The following TUT4 variants were observed in gnomAD, a reference collection of about 807,000 sequenced individuals.
TUT4 encodes the protein terminal uridylyl transferase 4.
A neutral mutation model predicts 192.2 loss-of-function variants in TUT4; 36 were observed. The observed-to-expected ratio is 0.19, with a 90% CI of 0.14 to 0.25. TUT4 has a LOEUF of 0.25. TUT4 is among the 10% of genes least tolerant of loss of function. The pLI, the probability that TUT4 is intolerant of heterozygous loss-of-function variation, is 1.00. For synonymous variants in TUT4, 618 were observed against 666.0 expected (o/e 0.93, Z 1.11); for missense variants, 1,493 against 1,957.2 (o/e 0.76, Z 4.47).
At chr1:52,461,252 T>C (rs1662458467) in intron 18 of TUT4, 29 bp from the exon 19 acceptor site, 3 of 1,571,834 alleles carry the variant, frequency 1.9e-6, no homozygotes, top group Non-Finnish European at 2.6e-6. Context: ...TTTGAAAGGA[T>C]TTCAAATTTC....
intron 14 of TUT4, among the ~76,000 whole-genome samples, chr1:52,471,063 CTGGAGT>C (rs1225902487): frequency 7.8e-6 from 1 of 128,352 alleles, no homozygotes; most frequent in Non-Finnish European, 1.5e-5. Flanking sequence ...GTTGCCCGGG[CTGGAGT>C]GCAGTGGCAT....
chr1:52,498,283 C>T (rs1362514845), intron 4 of TUT4, among the ~76,000 whole-genome samples: 2 of 148,856 alleles, frequency 1.3e-5, no homozygotes, highest in East Asian at 2.0e-4. Flanking sequence ...TCGCTGTCGC[C>T]CCGGCTGGAG....
rs1430742421 is a variant in TUT4, at chr1:52,509,581, T to C, written c.999+15A>G. 7.6e-7 allele frequency: 1 copy of C among 1,308,882 alleles called. No homozygotes were observed. Among genetic ancestry groups the C allele is most frequent in the South Asian group, 1.3e-5 (1 of 75,762 alleles). The allele number at this position is 1,308,882 out of a possible 1,614,324, so 81.1% of individuals were successfully genotyped here. Reference sequence around the variant, plus strand: ...CTTGAAAAATAAATAAAAGTATTTTTTAAAAAGAACTTACCAAAATATTTT... The same window carrying C: ...CTTGAAAAATAAATAAAAGTATTTTCTAAAAAGAACTTACCAAAATATTTT... On this transcript the variant is annotated intron_variant, in intron 4 of 29. Coordinates refer to ENST00000257177, the MANE Select transcript of TUT4 (RefSeq NM_001009881.3).
chr1:52,512,196 G>GT (rs1263159455), intron 3 of TUT4, among the ~76,000 whole-genome samples: 1 of 152,154 alleles, frequency 6.6e-6, no homozygotes, highest in Non-Finnish European at 1.5e-5. Flanking sequence ...GGATAAAGCT[G>GT]TATCACTACA....
At position 52,481,423 on chromosome 1, in the gene TUT4, T is replaced by C; in HGVS notation, c.1848A>G (p.Lys616=). The change falls in exon 11 of 30, where the codon AAA becomes AAG. Residue 616 remains lysine (K), a splice_region_variant and synonymous_variant. Transcript: ENST00000257177. ...AAAAAACAAAAACAAAAAGGCTTAC[T>C]TTGCCATGTTTTTCCTTCATGGCAT... is the stretch of plus-strand genomic sequence containing the variant. ...QSNAMKEKHG[K]SPLALETPNR... 1 of 1,613,568 alleles carries C rather than the reference T, an allele frequency of 6.2e-7. No individual in the cohort carries two copies. The highest frequency in any genetic ancestry group is 2.2e-5 in the East Asian group (1 of 44,824).
chr1:52,461,645 G>T (rs751521496), intron 17 of TUT4, 29 bp from the exon 18 acceptor site: 2 of 1,570,064 alleles, frequency 1.3e-6, no homozygotes, highest in Non-Finnish European at 1.7e-6. Flanking sequence ...ACTTCAGTAG[G>T]TTAAATAATT....
chr1:52,464,973 G>A (rs1663710747), intron 16 of TUT4, 97 bp downstream of exon 16: 1 of 907,894 alleles, frequency 1.1e-6, no homozygotes, highest in Non-Finnish European at 1.6e-6. Context: ...TATACAAAGA[G>A]TGATACCACA....
At chr1:52,465,321 A>C (rs1051723684) in intron 15 of TUT4, 148 bp from the exon 16 acceptor site, 8 of 613,870 alleles carry the variant, frequency 1.3e-5, no homozygotes, top group African/African-American at 1.9e-5. Context: ...AGAAATTCCA[A>C]AACATCTTGA....
In TUT4 at chr1:52,490,805, A is replaced by C; in HGVS notation, c.1319-4T>G. On this transcript the variant is annotated splice_region_variant and splice_polypyrimidine_tract_variant and intron_variant, in intron 7 of 29. Transcript: ENST00000257177. ...GATTCCACATCTACATATAATACTA[A>C]TAAGGAAAAAAAAAAGTAAGCTAAT... 1 of 1,606,258 alleles carries C rather than the reference A, an allele frequency of 6.2e-7. No individual in the cohort carries two copies. Among genetic ancestry groups the C allele is most frequent in the Non-Finnish European group, 8.5e-7 (1 of 1,175,968 alleles).
intron 6 of TUT4, 67 bp downstream of exon 6, chr1:52,495,360 A>G: frequency 9.9e-7 from 1 of 1,008,548 alleles, no homozygotes; most frequent in Non-Finnish European, 1.5e-6. Context: ...CTTTCTCTAC[A>G]AAGATAATCC....
intron 3 of TUT4, 31 bp downstream of exon 3, chr1:52,515,860 C>T (rs1188975855): frequency 6.2e-7 from 1 of 1,612,150 alleles, no homozygotes; most frequent in East Asian, 2.2e-5. Context: ...ACACACATTT[C>T]CCCCCAAATA....
intron 1 of TUT4, among the ~76,000 whole-genome samples, chr1:52,530,529 T>C (rs966756082): frequency 6.6e-6 from 1 of 152,198 alleles, no homozygotes; most frequent in African/African-American, 2.4e-5. Context: ...TAAGTTATAA[T>C]TAACGATAAT....
intron 28 of TUT4, 142 bp downstream of exon 28, chr1:52,430,871 G>T: frequency 1.1e-6 from 1 of 898,018 alleles, no homozygotes; most frequent in Non-Finnish European, 1.6e-6. Flanking sequence ...TGAGTCCAGA[G>T]CCCATATTCT....
rs1570136843 is a variant in TUT4, at chr1:52,431,053, A to G, written c.4671T>C (p.Ala1557=). 2.5e-6 allele frequency: 4 copies of G among 1,602,206 alleles called. No individual in the cohort carries two copies. Among genetic ancestry groups the G allele is most frequent in the Non-Finnish European group, 3.4e-6 (4 of 1,170,506 alleles). ...CACCACTGTTTACCAGGGAATTTGGAGCCACAGTACGGGGCCAGTGTCCAT... is the reference window on the plus strand; with the variant it reads ...CACCACTGTTTACCAGGGAATTTGGGGCCACAGTACGGGGCCAGTGTCCAT... ...SHDGHWPRTV[A]PNSLVNSGAV... Residue 1557 remains alanine (A), a synonymous_variant, in exon 28 of 30, where the codon GCT becomes GCC. Transcript: ENST00000257177.
chr1:52,539,860 T>A (rs560837025), intron 1 of TUT4, among the ~76,000 whole-genome samples: 2 of 149,324 alleles, frequency 1.3e-5, no homozygotes, highest in South Asian at 4.2e-4. Flanking sequence ...GAGCCAAGAT[T>A]ATGCCATTGC....
intron 6 of TUT4, among the ~76,000 whole-genome samples, chr1:52,494,224 G>A (rs1020946899): frequency 6.6e-6 from 1 of 152,000 alleles, no homozygotes; most frequent in African/African-American, 2.4e-5. Context: ...AAAGGTTCTG[G>A]AATTTCCCAT....
chr1:52,548,459 T>A (rs1467653858), intron 1 of TUT4, among the ~76,000 whole-genome samples: 2 of 152,156 alleles, frequency 1.3e-5, no homozygotes, highest in Non-Finnish European at 2.9e-5. Flanking sequence ...AACTTGAAGG[T>A]ACAACACAGT....
At chr1:52,457,761 T>C (rs1418580125) in intron 20 of TUT4, among the ~76,000 whole-genome samples, 1 of 152,182 alleles carries the variant, frequency 6.6e-6, no homozygotes, top group Non-Finnish European at 1.5e-5. Flanking sequence ...AGAGTATAAA[T>C]TGACTACAAA....
At chr1:52,515,576 A>G in intron 3 of TUT4, 1 of 475,796 alleles carries the variant, frequency 2.1e-6, no homozygotes, top group Non-Finnish European at 3.7e-6. Flanking sequence ...GCTATATTCC[A>G]ATAAAATGTT....
Sources: allele counts gnomAD v4.1 joint callset (sites outside exome capture counted in the v4.1 genomes callset), GRCh38; gene constraint gnomAD v4.1.1; transcripts MANE v1.5; gene names NCBI Gene and HGNC (gene_info 2026-07-23, HGNC 2026-07-21).